Variants in RGPD4 observed in about 807,000 individuals in gnomAD.
The protein encoded by RGPD4 is ranBP2-like and GRIP domain-containing protein 4.
In RGPD4, 84 loss-of-function variants were observed where a neutral mutation model predicts 141.1. The ratio of observed to expected loss-of-function variants is 0.60; its 90% CI spans 0.50 to 0.71. The LOEUF (loss-of-function observed/expected upper bound fraction) is 0.71. Among genes scored for constraint, RGPD4 ranks in the 30% least tolerant of loss-of-function variants. The pLI is 0.00. For synonymous variants in RGPD4, 298 were observed against 566.8 expected (o/e 0.53, Z 6.74); for missense variants, 918 against 1,622.4 (o/e 0.57, Z 7.46).
In RGPD4 at chr2:107,867,171, C is replaced by A. The variant is rs958574660; in HGVS notation, c.2605+846C>A. ...ACACTCCAGTGGTGTAACTCCAAAG[C>A]ACTTGCCAGTATAATACATTGCTCC... is the stretch of plus-strand genomic sequence containing the variant. On this transcript the variant is annotated intron_variant, in intron 18 of 22. Coordinates refer to ENST00000408999, the MANE Select transcript of RGPD4 (RefSeq NM_182588.3). Among the ~76,000 whole-genome samples, 34 of 148,320 alleles carry A rather than the reference C, an allele frequency of 2.3e-4. 1 individual carries two copies. Among genetic ancestry groups the A allele is most frequent in the Non-Finnish European group, 2.1e-4 (14 of 67,118 alleles).
intron 20 of RGPD4, among the ~76,000 whole-genome samples, chr2:107,873,569 G>T (rs1683003272): frequency 9.9e-6 from 1 of 100,674 alleles, no homozygotes; most frequent in African/African-American, 4.7e-5. Context: ...CTGAGACTTT[G>T]TCTCCAAAAA....
rs550387192 is a variant in RGPD4, at chr2:107,887,246, A to T, written c.5267-3475A>T. Reference sequence around the variant, plus strand: ...ATTTCAGCCTGGGCAACAGAGTAAAACCCCATCTTTAAAAAAAATTAAGAA... The same window carrying T: ...ATTTCAGCCTGGGCAACAGAGTAAATCCCCATCTTTAAAAAAAATTAAGAA... On this transcript the variant is annotated intron_variant, in intron 22 of 22. Transcript: ENST00000408999. Among the ~76,000 whole-genome samples, 5 of 137,780 alleles carry T rather than the reference A, an allele frequency of 3.6e-5. No homozygotes were observed. In the South Asian group the frequency reaches 1.2e-3, roughly 34 times the overall value. The allele number at this position is 137,780 out of a possible 152,430, so 90.4% of individuals were successfully genotyped here.
rs1206300034 is a variant in RGPD4 at position 107,883,636 on chromosome 2, AAAACAAAAAC to A, written c.5266+767_5266+776del. Among the ~76,000 whole-genome samples the A allele has an allele frequency of 1.4e-4, 8 of 57,346 alleles. 1 individual carries two copies. Among genetic ancestry groups the A allele is most frequent in the South Asian group, 6.5e-4 (1 of 1,546 alleles). The allele number at this position is 57,346 out of a possible 152,430, so 37.6% of individuals were successfully genotyped here. On this transcript the variant is annotated intron_variant, in intron 22 of 22. Transcript: ENST00000408999. ...GCGAGACTCCATCTCAAAAAAAAAA[AAAACAAAAAC>A]AAAAAACTATGATGTAGTTAGAGTT... is the stretch of plus-strand genomic sequence containing the variant.
intron 22 of RGPD4, among the ~76,000 whole-genome samples, chr2:107,885,816 G>C (rs942169862): frequency 6.6e-6 from 1 of 151,924 alleles, no homozygotes; most frequent in African/African-American, 2.4e-5. Context: ...ACTTTGGGAG[G>C]CTGAGGAGGG....
intron 1 of RGPD4, among the ~76,000 whole-genome samples, chr2:107,829,231 G>T (rs370203003): frequency 0.066 from 1,097 of 16,528 alleles, 250 homozygotes; most frequent in South Asian, 0.12. Flanking sequence ...GGCTCCCGAC[G>T]GGCGCTGCTC....
At chr2:107,886,117 G>T (rs1469999860) in intron 22 of RGPD4, among the ~76,000 whole-genome samples, 1 of 145,240 alleles carries the variant, frequency 6.9e-6, no homozygotes, top group Non-Finnish European at 1.5e-5. Flanking sequence ...ATTCAGCATG[G>T]GAGAAACAAA....
rs1245338039 is a variant in RGPD4, at chr2:107,827,903, G to A, written c.72+818G>A. Among the ~76,000 whole-genome samples the A allele has an allele frequency of 1.0e-4, 2 of 19,894 alleles. 1 individual carries two copies. Among genetic ancestry groups the A allele is most frequent in the East Asian group, 1.4e-3 (2 of 1,448 alleles). The allele number at this position is 19,894 out of a possible 152,430, so 13.1% of individuals were successfully genotyped here. A position where few individuals can be genotyped will look rare whatever the true frequency, so the allele number is the denominator to read the frequency against. ...AGCGGCCTCGACCTGGCCGGGCGGCGGCGGCCTCGACCTGGCCCGGAGGCG... is the reference window on the plus strand; with the variant it reads ...AGCGGCCTCGACCTGGCCGGGCGGCAGCGGCCTCGACCTGGCCCGGAGGCG... On this transcript the variant is annotated intron_variant, in intron 1 of 22. Coordinates refer to ENST00000408999, the MANE Select transcript of RGPD4 (RefSeq NM_182588.3).
At chr2:107,858,012 T>C (rs1682387748) in intron 9 of RGPD4, among the ~76,000 whole-genome samples, 1 of 151,978 alleles carries the variant, frequency 6.6e-6, no homozygotes, top group African/African-American at 2.4e-5. Context: ...GTTGGAATTA[T>C]AGGCATGAGC....
rs564912435 is a variant in RGPD4, at chr2:107,880,469, T to C, written c.5064+362T>C. Among the ~76,000 whole-genome samples, 9 of 151,630 alleles carry C rather than the reference T, an allele frequency of 5.9e-5. No homozygotes were observed. In the East Asian group the frequency reaches 1.7e-3, roughly 29 times the overall value. On this transcript the variant is annotated intron_variant, in intron 21 of 22. Coordinates refer to ENST00000408999, the MANE Select transcript of RGPD4 (RefSeq NM_182588.3). ...TTAGTAGAGACAGGTTTTACCATGT[T>C]ATCCAGGATGGTCTCGATCTCCTGA...
At chr2:107,845,937 T>TC (rs984852161) in intron 6 of RGPD4, among the ~76,000 whole-genome samples, 1 of 141,650 alleles carries the variant, frequency 7.1e-6, no homozygotes, top group Non-Finnish European at 1.5e-5. Context: ...CTCGATCTTT[T>TC]TTTTTTTGAG....
At chr2:107,890,384 C>A (rs978789198) in intron 22 of RGPD4, among the ~76,000 whole-genome samples, 1 of 132,350 alleles carries the variant, frequency 7.6e-6, no homozygotes, top group Non-Finnish European at 1.6e-5. Context: ...TGCATCTCTA[C>A]AAAAAAACAA....
intron 1 of RGPD4, among the ~76,000 whole-genome samples, chr2:107,832,819 G>C (rs1441546356): frequency 6.6e-6 from 1 of 151,184 alleles, no homozygotes; most frequent in African/African-American, 2.4e-5. Context: ...TCTTGTTCTT[G>C]GTAACAAAGG....
At chr2:107,846,372 G>T (rs1468185206) in intron 6 of RGPD4, among the ~76,000 whole-genome samples, 1 of 151,726 alleles carries the variant, frequency 6.6e-6, no homozygotes, top group Non-Finnish European at 1.5e-5. Context: ...GGCCGTATGT[G>T]GGTTATTTCT....
intron 8 of RGPD4, among the ~76,000 whole-genome samples, chr2:107,855,440 C>T (rs1441681217): frequency 6.6e-6 from 1 of 151,384 alleles, no homozygotes; most frequent in Non-Finnish European, 1.5e-5. Flanking sequence ...TTTCTCTTTT[C>T]CTTCTACCCT....
In RGPD4 at chr2:107,880,125, G is replaced by A; in HGVS notation, c.5064+18G>A. The A allele has an allele frequency of 1.2e-6, 2 of 1,611,402 alleles. No individual in the cohort carries two copies. On this transcript the variant is annotated intron_variant, in intron 21 of 22. Coordinates refer to ENST00000408999, the MANE Select transcript of RGPD4 (RefSeq NM_182588.3). ...AAATTAAGGTGAGATCAGAAAACCT[G>A]GCCACCATGAAAACTGCCAATTTGG...
chr2:107,867,275 T>TC (rs1682760751), intron 18 of RGPD4, among the ~76,000 whole-genome samples: 1 of 151,540 alleles, frequency 6.6e-6, no homozygotes, highest in South Asian at 2.1e-4. Flanking sequence ...CCCTTTTTTT[T>TC]CTCTCTCTCT....
chr2:107,860,699 G>A, intron 12 of RGPD4, 67 bp from the exon 13 acceptor site: 1 of 1,319,826 alleles, frequency 7.6e-7, no homozygotes, highest in South Asian at 1.3e-5. Context: ...CTTACAACTT[G>A]TAAATGAACT....
chr2:107,882,128 A>C (rs1378022051), intron 21 of RGPD4, among the ~76,000 whole-genome samples: 1 of 151,662 alleles, frequency 6.6e-6, no homozygotes, highest in African/African-American at 2.4e-5. Flanking sequence ...CCAGCTTTCA[A>C]CTCCAATTTC....
rs1204094464 is a variant in RGPD4, at chr2:107,891,267, A to T, written c.*536A>T. 7.4e-6 allele frequency among the ~76,000 whole-genome samples: 1 copy of T among 135,110 alleles called. No individual in the cohort carries two copies. Among genetic ancestry groups the T allele is most frequent in the Non-Finnish European group, 1.6e-5 (1 of 63,374 alleles). The allele number at this position is 135,110 out of a possible 152,430, so 88.6% of individuals were successfully genotyped here. On this transcript the variant is annotated 3_prime_UTR_variant, in exon 23 of 23. Coordinates refer to ENST00000408999, the MANE Select transcript of RGPD4 (RefSeq NM_182588.3). ...GAGGCTAGTGAGCTGTGATTGTACC[A>T]CTGCACTCCAGCTCGGGGAACAGAG...
Sources: allele counts gnomAD v4.1 joint callset (sites outside exome capture counted in the v4.1 genomes callset), GRCh38; gene constraint gnomAD v4.1.1; transcripts MANE v1.5; gene names NCBI Gene and HGNC (gene_info 2026-07-23, HGNC 2026-07-21).